LIMCH1: variants seen among roughly 807,000 people sequenced by gnomAD.
LIMCH1 encodes the protein LIM and calponin homology domains-containing protein 1.
In LIMCH1, 113 loss-of-function variants were observed where a neutral mutation model predicts 176.5. That is an observed-to-expected ratio of 0.64 (90% confidence interval 0.55 to 0.75). The LOEUF is 0.75. Among genes scored for constraint, LIMCH1 ranks in the 30% least tolerant of loss-of-function variants. The pLI, the probability that LIMCH1 is intolerant of heterozygous loss-of-function variation, is 0.00. For missense variants in LIMCH1, 1,674 were observed against 1,814.9 expected (o/e 0.92, Z 1.41); for synonymous variants, 619 against 645.9 (o/e 0.96, Z 0.63).
chr4:41,496,498 G>A (rs560237848), intron 2 of LIMCH1, among the ~76,000 whole-genome samples: 47 of 152,298 alleles, frequency 3.1e-4, no homozygotes, highest in African/African-American at 8.4e-4. Context: ...AGAAAGCTGG[G>A]TCAGGAGCCA....
At chr4:41,607,140 A>C (rs902966343) in intron 4 of LIMCH1, among the ~76,000 whole-genome samples, 2 of 152,218 alleles carry the variant, frequency 1.3e-5, no homozygotes, top group Non-Finnish European at 2.9e-5. Flanking sequence ...GAGGACAAAT[A>C]ATTGAGGCCT....
At chr4:41,583,865 A>G (rs1448061990) in intron 1 of LIMCH1, among the ~76,000 whole-genome samples, 2 of 151,922 alleles carry the variant, frequency 1.3e-5, no homozygotes, top group Non-Finnish European at 2.9e-5. Flanking sequence ...AGAATATTTC[A>G]AGAGGACTTT....
intron 1 of LIMCH1, among the ~76,000 whole-genome samples, chr4:41,370,495 A>T (rs927555200): frequency 6.6e-6 from 1 of 152,110 alleles, no homozygotes; most frequent in Admixed American, 6.5e-5. Flanking sequence ...GAGAAATAGC[A>T]TCCCCTCTTC....
intron 1 of LIMCH1, among the ~76,000 whole-genome samples, chr4:41,469,337 A>G (rs772150014): frequency 3.3e-5 from 5 of 152,212 alleles, no homozygotes; most frequent in Admixed American, 6.5e-5. Context: ...AAATCATACT[A>G]TGCTGGTCTA....
intron 18 of LIMCH1, among the ~76,000 whole-genome samples, chr4:41,659,272 TC>T (rs1300416910): frequency 6.6e-6 from 1 of 152,184 alleles, no homozygotes; most frequent in Non-Finnish European, 1.5e-5. Flanking sequence ...GATGCATATT[TC>T]CTGCCTAGGG....
chr4:41,536,448 T>C (rs2077959835), upstream of LIMCH1, among the ~76,000 whole-genome samples: 1 of 152,234 alleles, frequency 6.6e-6, no homozygotes, highest in Non-Finnish European at 1.5e-5. Flanking sequence ...GTCCACAGTA[T>C]AAAATACTAG....
At chr4:41,464,800 C>T (rs2065891798) in intron 1 of LIMCH1, among the ~76,000 whole-genome samples, 1 of 152,228 alleles carries the variant, frequency 6.6e-6, no homozygotes, top group South Asian at 2.1e-4. Flanking sequence ...CGACTGTCTT[C>T]TCCCCTCCAC....
chr4:41,462,363 A>G (rs537751121), intron 1 of LIMCH1, among the ~76,000 whole-genome samples: 1 of 152,302 alleles, frequency 6.6e-6, no homozygotes, highest in East Asian at 1.9e-4. Flanking sequence ...TTACAGTTTG[A>G]GATGAGAGTT....
At chr4:41,652,769 G>A (rs1305831846) in intron 18 of LIMCH1, among the ~76,000 whole-genome samples, 3 of 152,042 alleles carry the variant, frequency 2.0e-5, no homozygotes, top group Non-Finnish European at 4.4e-5. Flanking sequence ...AAAATTACAC[G>A]ATCTGAAAGA....
At chr4:41,603,610 C>T (rs1369559769) in intron 2 of LIMCH1, among the ~76,000 whole-genome samples, 1 of 152,154 alleles carries the variant, frequency 6.6e-6, no homozygotes, top group Admixed American at 6.5e-5. Context: ...TCTGATCGGA[C>T]TTTTTCTATT....
intron 1 of LIMCH1, among the ~76,000 whole-genome samples, chr4:41,588,752 C>T (rs990587820): frequency 2.0e-5 from 3 of 152,184 alleles, no homozygotes; most frequent in African/African-American, 7.2e-5. Context: ...CACAGGCCTC[C>T]GCCACAGAGA....
intron 1 of LIMCH1, among the ~76,000 whole-genome samples, chr4:41,391,734 G>A (rs2057265871): frequency 6.6e-6 from 1 of 152,098 alleles, no homozygotes; most frequent in African/African-American, 2.4e-5. Flanking sequence ...TGTCAAGGTC[G>A]TAAAAAGCAA....
chr4:41,451,268 A>G (rs1477316275), intron 1 of LIMCH1, among the ~76,000 whole-genome samples: 2 of 148,758 alleles, frequency 1.3e-5, no homozygotes, highest in Admixed American at 1.3e-4. Context: ...GGGATGTGCC[A>G]CCACGCCTGG....
intron 1 of LIMCH1, among the ~76,000 whole-genome samples, chr4:41,435,614 T>A (rs1321749520): frequency 6.6e-6 from 1 of 152,232 alleles, no homozygotes; most frequent in African/African-American, 2.4e-5. Context: ...AGAGTTCTAT[T>A]TTATTTTTTC....
Position 41,662,012 on chromosome 4 carries a change from A to AT in LIMCH1, c.3127+509dup, listed in dbSNP as rs1270008248. ...GTTCCCGAAAGTCTTGTTCCTCAAT[A>AT]TTTTTTTGCAGCCTTATCAATATGT... On this transcript the variant is annotated intron_variant, in intron 19 of 31. Transcript: ENST00000503057. The AT allele has an allele frequency of 1.1e-4, 32 of 291,842 alleles. 1 individual carries two copies. Among genetic ancestry groups the AT allele is most frequent in the Non-Finnish European group, 1.5e-4 (22 of 147,952 alleles). 18.1% of individuals were successfully genotyped at this position (291,842 alleles called of 1,614,324 possible).
intron 1 of LIMCH1, among the ~76,000 whole-genome samples, chr4:41,369,208 A>G (rs865885100): frequency 6.6e-6 from 1 of 152,150 alleles, no homozygotes; most frequent in South Asian, 2.1e-4. Context: ...CCAGTCTAAC[A>G]TGGCTGCTGG....
chr4:41,599,222 C>A, intron 2 of LIMCH1, 196 bp downstream of exon 2: 1 of 410,474 alleles, frequency 2.4e-6, no homozygotes. Context: ...GATCAAACAT[C>A]ATTTTTTGAA....
intron 1 of LIMCH1, among the ~76,000 whole-genome samples, chr4:41,409,890 C>G (rs2059331273): frequency 6.6e-6 from 1 of 152,208 alleles, no homozygotes; most frequent in Admixed American, 6.5e-5. Context: ...TTAATTCACT[C>G]TTCCCTGGTT....
intron 22 of LIMCH1, 123 bp downstream of exon 22, chr4:41,671,717 C>T (rs1560318760): frequency 1.4e-6 from 1 of 706,422 alleles, no homozygotes; most frequent in South Asian, 1.7e-5. Context: ...AATCCCAACA[C>T]TTTGGGAGGG....
Sources: gnomAD v4.1 joint callset for allele counts (sites outside exome capture counted in the v4.1 genomes callset) on GRCh38, gnomAD v4.1.1 for gene constraint, MANE v1.5 for transcripts, NCBI Gene and HGNC (gene_info 2026-07-23, HGNC 2026-07-21) for gene names.